Variants in PACS1 observed in about 807,000 individuals in gnomAD.
The protein encoded by PACS1 is PACS-1.
PACS1 carries 24 observed loss-of-function variants against 115.0 expected under a neutral mutation model. The ratio of observed to expected loss-of-function variants is 0.21; its 90% CI spans 0.15 to 0.29. The LOEUF is 0.29. Ranked by LOEUF, PACS1 falls within the 10% of genes least tolerant of loss-of-function variation. The pLI is 1.00. For missense variants in PACS1, 838 were observed against 1,251.2 expected (o/e 0.67, Z 4.98); for synonymous variants, 453 against 504.5 (o/e 0.90, Z 1.37).
At chr11:66,107,340 G>C (rs1046495409) in intron 1 of PACS1, among the ~76,000 whole-genome samples, 8 of 152,066 alleles carry the variant, frequency 5.3e-5, no homozygotes, top group Admixed American at 5.2e-4. Flanking sequence ...ATCCCAGTGA[G>C]GCCTGTCCTG....
chr11:66,111,863 C>T lies in PACS1; in HGVS notation c.356+41021C>T, dbSNP rs564819263. Among the ~76,000 whole-genome samples, 207 of 152,276 alleles carry T rather than the reference C, an allele frequency of 1.4e-3. 1 individual carries two copies. The highest frequency in any genetic ancestry group is 2.9e-3 in the Admixed American group (45 of 15,288). On this transcript the variant is annotated intron_variant, in intron 1 of 23. Transcript: ENST00000320580. ...GTTTCACCATGTTGGCCAGGCTGGT[C>T]TTGAACTCCTGGCCTCAAGTGATCC...
In PACS1 at chr11:66,233,657, T is replaced by G; in HGVS notation, c.1839-128T>G. ...TTATTCCCTGTATGATCCTCTCTGT[T>G]TTATTTTGTGGATTGGTTTGCTTTT... is the stretch of plus-strand genomic sequence containing the variant. On this transcript the variant is annotated intron_variant, in intron 15 of 23. Coordinates refer to ENST00000320580, the MANE Select transcript of PACS1 (RefSeq NM_018026.4). This position sits in a 1 kb window ranked among gnomAD's most constrained non-coding sequence, Gnocchi z 4.5. 1.2e-6 allele frequency: 1 copy of G among 858,238 alleles called. No homozygotes were observed. The highest frequency in any genetic ancestry group is 1.8e-6 in the Non-Finnish European group (1 of 560,126). The allele number at this position is 858,238 out of a possible 1,614,324, so 53.2% of individuals were successfully genotyped here.
At chr11:66,078,834 G>A (rs1305746039) in intron 1 of PACS1, among the ~76,000 whole-genome samples, 2 of 152,244 alleles carry the variant, frequency 1.3e-5, no homozygotes, top group Non-Finnish European at 2.9e-5. Context: ...GATTATAGGC[G>A]TAAGCCACCG....
chr11:66,141,657 A>T (rs1858990891), intron 1 of PACS1, among the ~76,000 whole-genome samples: 1 of 151,724 alleles, frequency 6.6e-6, no homozygotes. Flanking sequence ...CCATCTCAAA[A>T]AAAAAAAAAA....
At chr11:66,230,135 T>TAAA (rs11357711) in intron 11 of PACS1, among the ~76,000 whole-genome samples, 3 of 96,914 alleles carry the variant, frequency 3.1e-5, no homozygotes, top group Non-Finnish European at 6.2e-5. Context: ...GGAATGGGGC[T>TAAA]AAAAAAAAAA....
At chr11:66,198,931 T>C (rs1272456679) in intron 2 of PACS1, among the ~76,000 whole-genome samples, 1 of 152,260 alleles carries the variant, frequency 6.6e-6, no homozygotes, top group Non-Finnish European at 1.5e-5. Context: ...TTTTAATTCA[T>C]AATATGGTGA....
chr11:66,230,244 G>T, intron 11 of PACS1: 1 of 382,706 alleles, frequency 2.6e-6, no homozygotes, highest in South Asian at 3.4e-5. Context: ...GCATCTAGGG[G>T]TCCCCTCTTC....
At chr11:66,140,393 C>T (rs1332223278) in intron 1 of PACS1, among the ~76,000 whole-genome samples, 1 of 152,150 alleles carries the variant, frequency 6.6e-6, no homozygotes, top group African/African-American at 2.4e-5. Context: ...GGGAAAGATG[C>T]TTTGTATCCG....
intron 1 of PACS1, among the ~76,000 whole-genome samples, chr11:66,164,220 A>C (rs1210747533): frequency 6.6e-6 from 1 of 151,942 alleles, no homozygotes; most frequent in East Asian, 1.9e-4. Flanking sequence ...CAGCTTTCGA[A>C]CTCTACAGAG....
Position 66,181,454 on chromosome 11 carries a change from T to TC in PACS1, c.357-12030dup, listed in dbSNP as rs1860010463. Reference sequence around the variant, plus strand: ...GTCTTGAACTCCTGACCTCAGGTGATCCACCCACCTCAGCTTCCCAAAGTG... The same window carrying TC: ...GTCTTGAACTCCTGACCTCAGGTGATCCCACCCACCTCAGCTTCCCAAAGTG... On this transcript the variant is annotated intron_variant, in intron 1 of 23. Transcript: ENST00000320580. 2.0e-5 allele frequency among the ~76,000 whole-genome samples: 3 copies of TC among 152,208 alleles called. No homozygotes were observed. In the South Asian group the frequency reaches 6.2e-4, roughly 32 times the overall value.
intron 2 of PACS1, among the ~76,000 whole-genome samples, chr11:66,195,247 A>C (rs1456985455): frequency 1.3e-5 from 2 of 152,216 alleles, no homozygotes; most frequent in Non-Finnish European, 2.9e-5. Flanking sequence ...AAATGTTTTA[A>C]TTACTCATGA....
At chr11:66,202,742 A>AAAAAAAATAT (rs1200930188) in intron 2 of PACS1, among the ~76,000 whole-genome samples, 6 of 71,606 alleles carry the variant, frequency 8.4e-5, no homozygotes, top group African/African-American at 4.8e-4. Flanking sequence ...AAAAAAAAAA[A>AAAAAAAATAT]ATATATATAT....
chr11:66,227,770 C>T (rs567973695), intron 11 of PACS1, among the ~76,000 whole-genome samples, 186 bp downstream of exon 11: 2 of 152,244 alleles, frequency 1.3e-5, no homozygotes, highest in South Asian at 4.1e-4. Flanking sequence ...CTGGTGTAGA[C>T]ACCAGGTTGC....
chr11:66,190,081 G>A (rs902885579), intron 1 of PACS1, among the ~76,000 whole-genome samples: 1 of 152,136 alleles, frequency 6.6e-6, no homozygotes, highest in East Asian at 1.9e-4. Context: ...TTCTTGTGCC[G>A]ATGAACTTTC....
intron 1 of PACS1, among the ~76,000 whole-genome samples, chr11:66,161,642 A>G (rs1191241956): frequency 1.3e-5 from 2 of 152,194 alleles, no homozygotes; most frequent in Non-Finnish European, 2.9e-5. Context: ...AAGAATGTCT[A>G]TATTGTGGGT....
intron 1 of PACS1, among the ~76,000 whole-genome samples, chr11:66,147,708 G>A (rs554347651): frequency 4.6e-5 from 7 of 152,260 alleles, no homozygotes; most frequent in African/African-American, 1.7e-4. Context: ...CCTGGAGGCT[G>A]GGAAGGTTAG....
chr11:66,242,792 A>G, intron 22 of PACS1, 120 bp from the exon 23 acceptor site: 1 of 1,306,100 alleles, frequency 7.7e-7, no homozygotes, highest in Admixed American at 1.9e-5. Context: ...GCCAGGGAGG[A>G]GGGGTTGGTT....
At chr11:66,081,101 C>T (rs1426003228) in intron 1 of PACS1, among the ~76,000 whole-genome samples, 1 of 152,034 alleles carries the variant, frequency 6.6e-6, no homozygotes, top group African/African-American at 2.4e-5. Flanking sequence ...GGCTTGGTGG[C>T]ACACGCCTGT....
chr11:66,221,009 T>C, intron 9 of PACS1, 145 bp from the exon 10 acceptor site: 2 of 898,174 alleles, frequency 2.2e-6, no homozygotes, highest in Non-Finnish European at 3.6e-6. Context: ...CCGCCCCTCC[T>C]CTTCACCCTG....
Sources: gnomAD v4.1 joint callset for allele counts (sites outside exome capture counted in the v4.1 genomes callset) on GRCh38, gnomAD v4.1.1 for gene constraint, Gnocchi (gnomAD v3.1) non-coding constraint, MANE v1.5 for transcripts, NCBI Gene and HGNC (gene_info 2026-07-23, HGNC 2026-07-21) for gene names.